The following MICU2 variants were observed in gnomAD, a reference collection of about 807,000 sequenced individuals.
MICU2 encodes calcium uptake protein 2, mitochondrial.
A neutral mutation model predicts 60.4 loss-of-function variants in MICU2; 64 were observed. That is an observed-to-expected ratio of 1.06 (90% CI 0.87 to 1.31). MICU2 has a LOEUF of 1.31. Among genes scored for constraint, MICU2 ranks in the 50% most tolerant of loss-of-function variants. The probability of loss-of-function intolerance (pLI) is 0.00; values close to 1 mark genes in which losing one functional copy is unlikely to be tolerated. For missense variants in MICU2, 569 were observed against 531.0 expected, an observed-to-expected ratio of 1.07 and a Z score of -0.70; for synonymous variants, 201 against 175.0, an observed-to-expected ratio of 1.15 and a Z score of -1.17.
chr13:21,565,801 C>G (rs1049924757), intron 2 of MICU2, among the ~76,000 whole-genome samples: 1 of 152,214 alleles, frequency 6.6e-6, no homozygotes, highest in Non-Finnish European at 1.5e-5. Flanking sequence ...CCATTGCACT[C>G]CAGCCTGGGA....
chr13:21,533,618 C>A (rs909015314), intron 4 of MICU2, among the ~76,000 whole-genome samples: 1 of 151,410 alleles, frequency 6.6e-6, no homozygotes, highest in African/African-American at 2.4e-5. Flanking sequence ...CCACTGCGCC[C>A]GGACAAGGCA....
At chr13:21,527,389 A>T (rs1886884644) in intron 4 of MICU2, among the ~76,000 whole-genome samples, 1 of 152,226 alleles carries the variant, frequency 6.6e-6, no homozygotes, top group Non-Finnish European at 1.5e-5. Flanking sequence ...ACACAGGTAC[A>T]GGTCCTTTAT....
chr13:21,496,007 C>T (rs1297852901), intron 10 of MICU2, 45 bp downstream of exon 10: 3 of 1,371,826 alleles, frequency 2.2e-6, no homozygotes, highest in Admixed American at 3.9e-5. Flanking sequence ...TATAGTAAAA[C>T]TGTTTATAGA....
intron 4 of MICU2, 100 bp from the exon 5 acceptor site, chr13:21,522,750 C>A: frequency 1.2e-6 from 1 of 818,488 alleles, no homozygotes; most frequent in Non-Finnish European, 1.8e-6. Flanking sequence ...AACAATTTTA[C>A]TTTAAATTAC....
intron 9 of MICU2, among the ~76,000 whole-genome samples, chr13:21,501,454 T>G (rs1199947): frequency 0.074 from 11,265 of 151,994 alleles, 917 homozygotes; most frequent in African/African-American, 0.2. Context: ...AGTAGAGACG[T>G]GGTTTCACCG....
chr13:21,544,356 A>G (rs1404445600), intron 2 of MICU2, among the ~76,000 whole-genome samples: 6 of 152,054 alleles, frequency 3.9e-5, no homozygotes, highest in African/African-American at 1.4e-4. Context: ...ATGATGTAAA[A>G]CGCTTCTGTA....
At chr13:21,528,139 C>G (rs778416944) in intron 4 of MICU2, among the ~76,000 whole-genome samples, 18 of 152,094 alleles carry the variant, frequency 1.2e-4, no homozygotes, top group Admixed American at 2.0e-4. Context: ...ACAACTTCTT[C>G]TTCCTTATAA....
intron 6 of MICU2, among the ~76,000 whole-genome samples, chr13:21,515,871 T>A (rs1420297646): frequency 2.0e-5 from 3 of 152,256 alleles, no homozygotes; most frequent in Non-Finnish European, 4.4e-5. Flanking sequence ...ATATTTATTT[T>A]ACCTTTTATT....
intron 6 of MICU2, chr13:21,515,472 C>T (rs747572214): frequency 5.9e-6 from 2 of 340,424 alleles, no homozygotes; most frequent in South Asian, 2.3e-5. Flanking sequence ...TAAAGACTTA[C>T]ATTTCTACTA....
At chr13:21,501,375 G>A (rs1490337849) in intron 9 of MICU2, among the ~76,000 whole-genome samples, 2 of 151,696 alleles carry the variant, frequency 1.3e-5, no homozygotes, top group Admixed American at 6.6e-5. Flanking sequence ...CTATTCTCCT[G>A]CCTCAGCCTC....
At chr13:21,588,852 C>A (rs1248418886) in intron 1 of MICU2, among the ~76,000 whole-genome samples, 1 of 152,110 alleles carries the variant, frequency 6.6e-6, no homozygotes, top group African/African-American at 2.4e-5. Context: ...CGGGGAATAC[C>A]AGATCAATTT....
intron 4 of MICU2, among the ~76,000 whole-genome samples, chr13:21,526,709 G>A (rs1408067308): frequency 6.6e-6 from 1 of 152,090 alleles, no homozygotes; most frequent in South Asian, 2.1e-4. Flanking sequence ...TTAATTAAGC[G>A]GATGTGGTAT....
At chr13:21,580,908 G>A (rs1888333900) in intron 1 of MICU2, among the ~76,000 whole-genome samples, 1 of 152,096 alleles carries the variant, frequency 6.6e-6, no homozygotes, top group Non-Finnish European at 1.5e-5. Context: ...ATTTATAAAG[G>A]TGTAAACAGG....
chr13:21,515,085 G>GTTTTTTTT (rs5802119), intron 6 of MICU2, among the ~76,000 whole-genome samples: 2 of 139,294 alleles, frequency 1.4e-5, no homozygotes, highest in Admixed American at 7.1e-5. Context: ...CAAGTATATA[G>GTTTTTTTT]TTTTTTTTTT....
At chr13:21,567,020 G>GT (rs1888001142) in intron 1 of MICU2, 76 bp from the exon 2 acceptor site, 1 of 1,284,516 alleles carries the variant, frequency 7.8e-7, no homozygotes, top group Admixed American at 2.8e-5. Flanking sequence ...TCTTTAAAAA[G>GT]TAACTTTCAC....
intron 4 of MICU2, among the ~76,000 whole-genome samples, chr13:21,533,022 A>G (rs1176769621): frequency 6.6e-6 from 1 of 152,204 alleles, no homozygotes; most frequent in African/African-American, 2.4e-5. Context: ...CTTGAAAGGG[A>G]AAGAAAAGAG....
At chr13:21,582,494 T>G (rs1041591594) in intron 1 of MICU2, among the ~76,000 whole-genome samples, 11 of 152,214 alleles carry the variant, frequency 7.2e-5, no homozygotes, top group African/African-American at 2.4e-4. Context: ...CTGATATATA[T>G]CAAAGAATTT....
At chr13:21,588,375 G>A (rs778838475) in intron 1 of MICU2, among the ~76,000 whole-genome samples, 16 of 152,156 alleles carry the variant, frequency 1.1e-4, no homozygotes, top group African/African-American at 2.7e-4. Flanking sequence ...TTGACCAGGC[G>A]TGGGCTGCAT....
intron 1 of MICU2, among the ~76,000 whole-genome samples, chr13:21,587,525 A>T (rs1888485061): frequency 6.6e-6 from 1 of 152,200 alleles, no homozygotes; most frequent in African/African-American, 2.4e-5. Context: ...AACCAAACCT[A>T]AATTAAGGAA....
Sources: gnomAD v4.1 joint callset for allele counts (sites outside exome capture counted in the v4.1 genomes callset) on GRCh38, gnomAD v4.1.1 for gene constraint, MANE v1.5 for transcripts, NCBI Gene and HGNC (gene_info 2026-07-23, HGNC 2026-07-21) for gene names.